PCNX4: variants seen among roughly 807,000 people sequenced by gnomAD.
PCNX4 encodes the protein pecanex-like protein 4.
PCNX4 carries 103 observed loss-of-function variants against 107.2 expected under a neutral mutation model. The observed-to-expected ratio is 0.96, with a 90% confidence interval of 0.82 to 1.13. The LOEUF (loss-of-function observed/expected upper bound fraction) is 1.13. Ranked by LOEUF, PCNX4 falls within the 50% of genes most tolerant of loss-of-function variation. The pLI is 0.00. For missense variants in PCNX4, 1,528 were observed against 1,379.4 expected, an observed-to-expected ratio of 1.11 and a Z score of -1.71; for synonymous variants, 541 against 481.7, an observed-to-expected ratio of 1.12 and a Z score of -1.61.
At chr14:60,114,171 A>G (rs1566933635) in intron 2 of PCNX4, among the ~76,000 whole-genome samples, 1 of 152,228 alleles carries the variant, frequency 6.6e-6, no homozygotes. Flanking sequence ...GGGACAGTAC[A>G]AGACAAAGAG....
chr14:60,146,490 T>C lies in PCNX4; in HGVS notation c.*12269T>C, dbSNP rs1404373701. 1.3e-5 allele frequency: 2 copies of C among 152,050 alleles called. No homozygotes were observed. The highest frequency in any genetic ancestry group is 2.9e-5 in the Non-Finnish European group (2 of 67,996). The allele number at this position is 152,050 out of a possible 1,614,324, so 9.4% of individuals were successfully genotyped here. A position where few individuals can be genotyped will look rare whatever the true frequency, so the allele number is the denominator to read the frequency against. ...GAAAATACGGAAATTCCTCAAAAAA[T>C]TAAAAATAGAATTACCATCTGATCC... On this transcript the variant is annotated 3_prime_UTR_variant, in exon 11 of 11. Transcript: ENST00000406854. The surrounding 1 kb of genome is among the most constrained non-coding windows in gnomAD (Gnocchi z 4.9).
rs767177480 is a variant in PCNX4 at position 60,118,351 on chromosome 14, T to C, written c.1601T>C (p.Leu534Ser). 3.7e-6 allele frequency: 6 copies of C among 1,611,668 alleles called. No individual in the cohort carries two copies. The highest frequency in any genetic ancestry group is 5.1e-6 in the Non-Finnish European group (6 of 1,178,446). Reference sequence around the variant, plus strand: ...CAGGTTGGTATCATACGTGATCGTTTGATTCAGTTCATCTCTAAATTGCAG... The same window carrying C: ...CAGGTTGGTATCATACGTGATCGTTCGATTCAGTTCATCTCTAAATTGCAG... ...LLLVGIIRDR[L>S]IQFISKLQFA... The change falls in exon 7 of 11, where the codon TTG becomes TCG. Residue 534 changes from leucine to serine, a missense_variant. Transcript: ENST00000406854.
chr14:60,114,744 T>A lies in PCNX4; in HGVS notation c.734T>A (p.Leu245Ter). ...MPALEHMNQI[L>*]HILFVFLPFL... ...GCTCTAGAACACATGAATCAGATTT[T>A]ACACATCTTGTTTGTATTTTTACCC... Residue 245 changes from leucine to a stop codon, truncating the protein, a stop_gained, in exon 3 of 11, where the codon TTA (leucine) becomes TAA (stop). Transcript: ENST00000406854. LOFTEE classifies it high-confidence loss of function. 6.2e-7 allele frequency: 1 copy of A among 1,613,896 alleles called. No homozygotes were observed. Among genetic ancestry groups the A allele is most frequent in the Non-Finnish European group, 8.5e-7 (1 of 1,179,822 alleles).
intron 1 of PCNX4, among the ~76,000 whole-genome samples, chr14:60,100,736 G>A (rs936790719): frequency 6.6e-6 from 1 of 152,188 alleles, no homozygotes; most frequent in African/African-American, 2.4e-5. Context: ...TTCTCATCAG[G>A]TGGGTTTTAT....
intron 1 of PCNX4, among the ~76,000 whole-genome samples, chr14:60,096,169 T>C (rs1485103567): frequency 6.6e-6 from 1 of 152,254 alleles, no homozygotes; most frequent in Non-Finnish European, 1.5e-5. Context: ...ATATCAGTCA[T>C]AAGTCAGATT....
Position 60,107,664 on chromosome 14 carries a change from A to G in PCNX4, c.26A>G (p.Asn9Ser), listed in dbSNP as rs1256180859. The G allele has an allele frequency of 4.3e-6, 7 of 1,612,668 alleles. No individual in the cohort carries two copies. Among genetic ancestry groups the G allele is most frequent in the South Asian group, 1.1e-5 (1 of 91,038 alleles). MSPDVPLLNDYKQDFFLKR... is the reference protein window; with the variant it reads MSPDVPLLSDYKQDFFLKR... Reference sequence around the variant, plus strand: ...ATGAGTCCAGATGTGCCTCTACTGAATGATTACAAGCAGGACTTCTTTCTG... The same window carrying G: ...ATGAGTCCAGATGTGCCTCTACTGAGTGATTACAAGCAGGACTTCTTTCTG... Residue 9 changes from asparagine (N) to serine (S), a missense_variant, in exon 2 of 11, where the codon AAT becomes AGT. By Grantham distance (46) the Asn-to-Ser change is conservative. Transcript: ENST00000406854.
At chr14:60,132,394 G>A (rs2140569371) in intron 10 of PCNX4, among the ~76,000 whole-genome samples, 1 of 152,050 alleles carries the variant, frequency 6.6e-6, no homozygotes, top group East Asian at 1.9e-4. Context: ...ACATTCACAG[G>A]TAACTTCAAA....
chr14:60,112,239 A>G (rs1314733100), intron 2 of PCNX4, among the ~76,000 whole-genome samples: 1 of 152,212 alleles, frequency 6.6e-6, no homozygotes, highest in African/African-American at 2.4e-5. Context: ...ACACATTTAT[A>G]TCATCTTAGC....
chr14:60,112,074 G>A (rs1290300215), intron 2 of PCNX4, among the ~76,000 whole-genome samples: 1 of 152,208 alleles, frequency 6.6e-6, no homozygotes, highest in Non-Finnish European at 1.5e-5. Context: ...GAACCCCGCA[G>A]TGTAGTAATA....
rs1896201763 is a variant in PCNX4, at chr14:60,134,020, G to T, written c.3318G>T (p.Val1106=). ...VLSLQELLIQ[V]GKLNPEAVRG... is the part of the protein sequence containing the mutation. ...GCCTTCAAGAATTATTGATCCAAGTGGGAAAGTTAAATCCTGAAGCTGTTA... is the reference window on the plus strand; with the variant it reads ...GCCTTCAAGAATTATTGATCCAAGTTGGAAAGTTAAATCCTGAAGCTGTTA... Residue 1106 remains valine, a synonymous_variant, in exon 11 of 11, where the codon GTG becomes GTT. Coordinates refer to ENST00000406854, the MANE Select transcript of PCNX4 (RefSeq NM_001330177.2). 1.2e-6 allele frequency: 2 copies of T among 1,613,416 alleles called. No individual in the cohort carries two copies. Among genetic ancestry groups the T allele is most frequent in the Admixed American group, 1.7e-5 (1 of 59,968 alleles).
At chr14:60,100,188 A>G (rs987827981) in intron 1 of PCNX4, among the ~76,000 whole-genome samples, 6 of 152,196 alleles carry the variant, frequency 3.9e-5, no homozygotes, top group Non-Finnish European at 8.8e-5. Context: ...TTCAAAAATG[A>G]TCACTTCAAT....
At chr14:60,131,089 T>C (rs111811138) in intron 10 of PCNX4, among the ~76,000 whole-genome samples, 22 of 152,204 alleles carry the variant, frequency 1.4e-4, no homozygotes, top group South Asian at 4.2e-4. Context: ...AGGATAGCCC[T>C]CATCAGAACC....
Position 60,137,607 on chromosome 14 carries a change from A to G in PCNX4, c.*3386A>G, listed in dbSNP as rs1159438017. The G allele has an allele frequency of 2.0e-5, 3 of 152,274 alleles. No individual in the cohort carries two copies. The highest frequency in any genetic ancestry group is 4.4e-5 in the Non-Finnish European group (3 of 68,070). 9.4% of individuals were successfully genotyped at this position (152,274 alleles called of 1,614,324 possible). On this transcript the variant is annotated 3_prime_UTR_variant, in exon 11 of 11. Transcript: ENST00000406854. The stretch of plus-strand genomic sequence containing the variant: ...ACATGATGAAAATCCGAAAGAAGCG[A>G]CAGATGATGGGACAGAGCCACAGGG...
intron 8 of PCNX4, among the ~76,000 whole-genome samples, chr14:60,123,781 C>A (rs984054725): frequency 1.3e-5 from 2 of 152,078 alleles, no homozygotes; most frequent in Non-Finnish European, 2.9e-5. Flanking sequence ...CTGGCACATC[C>A]ATACACTGAA....
At chr14:60,114,591 G>T (rs201560918) in intron 2 of PCNX4, 109 bp from the exon 3 acceptor site, 214 of 701,296 alleles carry the variant, frequency 3.1e-4, no homozygotes, top group Non-Finnish European at 3.8e-4. Context: ...TGTGTGTGTG[G>T]TTTTTTTTTG....
chr14:60,093,142 CTACT>C (rs1356723804), intron 1 of PCNX4, among the ~76,000 whole-genome samples: 3 of 152,138 alleles, frequency 2.0e-5, no homozygotes, highest in African/African-American at 7.2e-5. Flanking sequence ...CCTAAATTTC[CTACT>C]TAAAGAGCTG....
chr14:60,097,007 C>G (rs1475155787), intron 1 of PCNX4, among the ~76,000 whole-genome samples: 1 of 151,768 alleles, frequency 6.6e-6, no homozygotes, highest in East Asian at 1.9e-4. Flanking sequence ...TTGTTAAATT[C>G]TAGTCTTGCC....
chr14:60,111,836 T>C (rs1233267646), intron 2 of PCNX4, among the ~76,000 whole-genome samples: 1 of 152,094 alleles, frequency 6.6e-6, no homozygotes, highest in African/African-American at 2.4e-5. Context: ...ACAAAGCCAG[T>C]CCCCACATCT....
intron 8 of PCNX4, among the ~76,000 whole-genome samples, chr14:60,122,702 A>G (rs1895978347): frequency 6.6e-6 from 1 of 152,196 alleles, no homozygotes; most frequent in African/African-American, 2.4e-5. Context: ...TATAAGTAGT[A>G]TCATAAGCAC....
Sources: gnomAD v4.1 joint callset for allele counts (sites outside exome capture counted in the v4.1 genomes callset) on GRCh38, gnomAD v4.1.1 for gene constraint, Gnocchi (gnomAD v3.1) non-coding constraint, MANE v1.5 for transcripts, NCBI Gene and HGNC (gene_info 2026-07-23, HGNC 2026-07-21) for gene names.